The following WDR19 variants were observed in gnomAD, a reference collection of about 807,000 sequenced individuals.
WDR19 encodes the protein WD repeat-containing protein 19.
A neutral mutation model predicts 180.0 loss-of-function variants in WDR19; 121 were observed. The observed-to-expected ratio is 0.67, with a 90% CI of 0.58 to 0.78. The LOEUF (loss-of-function observed/expected upper bound fraction) is 0.78. Among genes scored for constraint, WDR19 ranks in the 30% least tolerant of loss-of-function variants. WDR19 has a pLI of 0.00. For missense variants in WDR19, 1,450 were observed against 1,640.7 expected (o/e 0.88, Z 2.01); for synonymous variants, 497 against 540.7 (o/e 0.92, Z 1.12).
rs1729252851 is a variant in WDR19 at position 39,218,000 on chromosome 4, G to C, written c.1374G>C (p.Leu458Phe). The C allele has an allele frequency of 6.2e-7, 1 of 1,613,600 alleles. No homozygotes were observed. The highest frequency in any genetic ancestry group is 8.5e-7 in the Non-Finnish European group (1 of 1,179,748). Reference protein sequence around the residue: ...VQLHLIESEILDAQEERETRL... With the variant: ...VQLHLIESEIFDAQEERETRL... Reference sequence around the variant, plus strand: ...CGTTTTAGATAGAAAGCGAAATCTTGGATGCTCAAGAAGAACGTGAGACTC... The same window carrying C: ...CGTTTTAGATAGAAAGCGAAATCTTCGATGCTCAAGAAGAACGTGAGACTC... Residue 458 changes from leucine (L) to phenylalanine (F), a missense_variant, in exon 14 of 37, where the codon TTG (leucine) becomes TTC (phenylalanine). Physicochemically the swap from Leu to Phe is conservative, Grantham distance 22. Transcript: ENST00000399820.
At chr4:39,201,602 G>A (rs1181966652) in intron 6 of WDR19, among the ~76,000 whole-genome samples, 2 of 152,134 alleles carry the variant, frequency 1.3e-5, no homozygotes, top group Non-Finnish European at 1.5e-5. Flanking sequence ...GAAGAAAGTC[G>A]ATTCCTGTAT....
At chr4:39,230,351 C>A (rs1284174813) in intron 17 of WDR19, among the ~76,000 whole-genome samples, 1 of 152,144 alleles carries the variant, frequency 6.6e-6, no homozygotes, top group African/African-American at 2.4e-5. Context: ...TCCAGGAAGC[C>A]TTCCCCGACT....
Position 39,185,941 on chromosome 4 carries a change from G to C in WDR19, c.98+124G>C, listed in dbSNP as rs999894118. 4.9e-6 allele frequency: 4 copies of C among 810,246 alleles called. No individual in the cohort carries two copies. The Admixed American group carries it at 9.1e-5, about 18-fold the overall frequency. 50.2% of individuals were successfully genotyped at this position (810,246 alleles called of 1,614,324 possible). ...AATGGAGTCTAGCTTTGTTGCCCAGGATGGAGTGCAGTGGCACGATCTCAG... is the reference window on the plus strand; with the variant it reads ...AATGGAGTCTAGCTTTGTTGCCCAGCATGGAGTGCAGTGGCACGATCTCAG... On this transcript the variant is annotated intron_variant, in intron 2 of 36. Transcript: ENST00000399820.
At chr4:39,232,689 G>A (rs1190003452) in intron 19 of WDR19, among the ~76,000 whole-genome samples, 4 of 149,672 alleles carry the variant, frequency 2.7e-5, no homozygotes, top group Non-Finnish European at 5.9e-5. Context: ...GTGACAGAGC[G>A]AGACTCCGTC....
chr4:39,271,792 A>G (rs1173979651), intron 31 of WDR19, among the ~76,000 whole-genome samples: 2 of 152,210 alleles, frequency 1.3e-5, no homozygotes, highest in South Asian at 2.1e-4. Context: ...ATTATTGTCT[A>G]TATCAGCACT....
intron 31 of WDR19, among the ~76,000 whole-genome samples, chr4:39,271,501 T>C (rs573374304): frequency 3.9e-4 from 59 of 152,192 alleles, no homozygotes; most frequent in African/African-American, 1.3e-3. Flanking sequence ...CCCAGGAGTT[T>C]GAGGCTGCAG....
chr4:39,199,637 C>T (rs1265795009), intron 6 of WDR19, 44 bp downstream of exon 6: 3 of 1,471,356 alleles, frequency 2.0e-6, no homozygotes, highest in Non-Finnish European at 2.8e-6. Context: ...TCAAGCTTTC[C>T]CCCCAAATAA....
At chr4:39,250,719 A>G (rs535154443) in intron 24 of WDR19, among the ~76,000 whole-genome samples, 1 of 152,324 alleles carries the variant, frequency 6.6e-6, no homozygotes, top group African/African-American at 2.4e-5. Flanking sequence ...AATAACAGAC[A>G]AACAGAGAGC....
At chr4:39,275,905 A>G (rs1017902542) in intron 33 of WDR19, among the ~76,000 whole-genome samples, 3 of 152,188 alleles carry the variant, frequency 2.0e-5, no homozygotes, top group African/African-American at 7.2e-5. Flanking sequence ...TGCAGCCCCA[A>G]AAGCCCTTAG....
At chr4:39,227,350 G>A (rs913172724) in intron 15 of WDR19, among the ~76,000 whole-genome samples, 3 of 152,058 alleles carry the variant, frequency 2.0e-5, no homozygotes, top group African/African-American at 7.2e-5. Flanking sequence ...GGACTTATAT[G>A]GACTGATTTT....
At chr4:39,243,147 A>AC (rs55956229) in intron 21 of WDR19, among the ~76,000 whole-genome samples, 53,062 of 152,014 alleles carry the variant, frequency 0.35, 9,542 homozygotes, top group African/African-American at 0.43. Context: ...TGAATATTCT[A>AC]CCTAGTACAT....
chr4:39,282,907 T>TAAG (rs1736705011), intron 36 of WDR19, among the ~76,000 whole-genome samples: 1 of 122,556 alleles, frequency 8.2e-6, no homozygotes, highest in African/African-American at 3.8e-5. Flanking sequence ...GTAGAATCCT[T>TAAG]AAGATTTTCT....
intron 29 of WDR19, 78 bp from the exon 30 acceptor site, chr4:39,267,917 T>C: frequency 7.7e-7 from 1 of 1,291,840 alleles, no homozygotes; most frequent in Non-Finnish European, 1.1e-6. Context: ...ATGAATGTGA[T>C]TCTAACTGCA....
At chr4:39,234,180 T>A (rs1420417354) in intron 19 of WDR19, among the ~76,000 whole-genome samples, 1 of 152,160 alleles carries the variant, frequency 6.6e-6, no homozygotes, top group Non-Finnish European at 1.5e-5. Flanking sequence ...TTAGCTATTA[T>A]TGTTTAGGAA....
chr4:39,212,329 C>G (rs1479275907), intron 9 of WDR19, among the ~76,000 whole-genome samples: 1 of 152,122 alleles, frequency 6.6e-6, no homozygotes, highest in Non-Finnish European at 1.5e-5. Flanking sequence ...AAAAAATTCA[C>G]TCATGGACTT....
At position 39,189,690 on chromosome 4, in the gene WDR19, G is replaced by A. The variant is rs769198434; in HGVS notation, c.199G>A (p.Asp67Asn). The change falls in exon 4 of 37, where the codon GAT becomes AAT. Residue 67 changes from aspartate (D) to asparagine (N), a missense_variant. Asp to Asn is a conservative substitution (Grantham distance 23, BLOSUM62 1). Coordinates refer to ENST00000399820, the MANE Select transcript of WDR19 (RefSeq NM_025132.4). ...TGCCATGGATTGGGATAAAGATGGAGATGTCCTAGCAGTGATTGCTGAGAA... is the reference window on the plus strand; with the variant it reads ...TGCCATGGATTGGGATAAAGATGGAAATGTCCTAGCAGTGATTGCTGAGAA... ...CVAMDWDKDG[D>N]VLAVIAEKSS... is the part of the protein sequence containing the mutation. The A allele has an allele frequency of 1.1e-5, 18 of 1,608,262 alleles. No homozygotes were observed. Among genetic ancestry groups the A allele is most frequent in the Non-Finnish European group, 1.5e-5 (18 of 1,177,866 alleles).
chr4:39,232,166 T>C lies in WDR19; in HGVS notation c.2147T>C (p.Ile716Thr). 1.2e-6 allele frequency: 2 copies of C among 1,612,992 alleles called. No individual in the cohort carries two copies. Among genetic ancestry groups the C allele is most frequent in the Non-Finnish European group, 1.7e-6 (2 of 1,179,226 alleles). The change falls in exon 19 of 37, where the codon ATA becomes ACA. Residue 716 changes from isoleucine (I) to threonine (T), a missense_variant. Physicochemically the swap from Ile to Thr is moderately conservative, Grantham distance 89 (BLOSUM62 -1). Coordinates refer to ENST00000399820, the MANE Select transcript of WDR19 (RefSeq NM_025132.4). ...IVMSLEQIKG[I>T]EDYNLLAGHL... ...CAGAATTGCTTTTATTTGTAGGGAATAGAGGACTACAATCTTTTGGCAGGA... is the reference window on the plus strand; with the variant it reads ...CAGAATTGCTTTTATTTGTAGGGAACAGAGGACTACAATCTTTTGGCAGGA...
intron 1 of WDR19, among the ~76,000 whole-genome samples, chr4:39,184,207 C>T (rs1725273570): frequency 6.6e-6 from 1 of 151,970 alleles, no homozygotes; most frequent in Non-Finnish European, 1.5e-5. Context: ...AGGAGTTCGA[C>T]ACCAGCCTGG....
intron 33 of WDR19, 119 bp downstream of exon 33, chr4:39,275,077 C>A: frequency 8.0e-7 from 1 of 1,252,436 alleles, no homozygotes; most frequent in Non-Finnish European, 1.1e-6. Flanking sequence ...CAGTGGCTCA[C>A]ACCTATAATC....
Sources: gnomAD v4.1 joint callset for allele counts (sites outside exome capture counted in the v4.1 genomes callset) on GRCh38, gnomAD v4.1.1 for gene constraint, MANE v1.5 for transcripts, NCBI Gene and HGNC (gene_info 2026-07-23, HGNC 2026-07-21) for gene names.